Variants in CFAP57 observed in about 807,000 individuals in gnomAD.
CFAP57 encodes cilia- and flagella-associated protein 57.
CFAP57 carries 116 observed loss-of-function variants against 146.8 expected under a neutral mutation model. The ratio of observed to expected loss-of-function variants is 0.79; its 90% CI spans 0.68 to 0.92. The LOEUF is 0.92. CFAP57 is among the 40% of genes least tolerant of loss of function. The pLI, the probability that CFAP57 is intolerant of heterozygous loss-of-function variation, is 0.00. For synonymous variants in CFAP57, 518 were observed against 552.8 expected (o/e 0.94, Z 0.88); for missense variants, 1,377 against 1,527.2 (o/e 0.90, Z 1.64).
At chr1:43,200,920 A>G (rs1273479178) in intron 9 of CFAP57, among the ~76,000 whole-genome samples, 1 of 152,218 alleles carries the variant, frequency 6.6e-6, no homozygotes, top group African/African-American at 2.4e-5. Context: ...GTATTGAGGA[A>G]GGATTAGAGT....
rs748296185 is a variant in CFAP57 at position 43,206,847 on chromosome 1, A to T, written c.1670A>T (p.Tyr557Phe). 2.5e-6 allele frequency: 4 copies of T among 1,614,084 alleles called. No homozygotes were observed. The African/African-American group carries it at 5.3e-5, about 22-fold the overall frequency. The change falls in exon 10 of 23, where the codon TAC (tyrosine) becomes TTC (phenylalanine). Residue 557 changes from tyrosine to phenylalanine, a missense_variant. Physicochemically the swap from Tyr to Phe is conservative, Grantham distance 22 (BLOSUM62 3). Transcript: ENST00000372492. ...ETECVLKSCS[Y>F]NCVTVSPDAK... is the part of the protein sequence containing the mutation. ...GAATGCGTGCTCAAGTCTTGCAGCT[A>T]CAACTGTGTTACTGTCTCCCCCGAT... is the stretch of plus-strand genomic sequence containing the variant.
At chr1:43,229,086 C>A (rs1427498946) in intron 18 of CFAP57, among the ~76,000 whole-genome samples, 2 of 149,054 alleles carry the variant, frequency 1.3e-5, no homozygotes, top group Non-Finnish European at 3.0e-5. Flanking sequence ...CAGACCATAG[C>A]AGCCTGAGAA....
Position 43,176,973 on chromosome 1 carries a change from C to A in CFAP57, c.157+4063C>A, listed in dbSNP as rs1032471436. The A allele has an allele frequency of 1.1e-5, 4 of 369,934 alleles. No homozygotes were observed. The Admixed American group carries it at 1.3e-4, about 12-fold the overall frequency. 22.9% of individuals were successfully genotyped at this position (369,934 alleles called of 1,614,324 possible). A position where few individuals can be genotyped will look rare whatever the true frequency, so the allele number is the denominator to read the frequency against. On this transcript the variant is annotated intron_variant, in intron 2 of 22. Transcript: ENST00000372492. The stretch of plus-strand genomic sequence containing the variant: ...CCAGTGTGGCTGGAGTGGTAAGAAC[C>A]GGGGGGTGAGGAGCAAGAGGGGAGG...
At chr1:43,226,002 A>G (rs551029097) in intron 17 of CFAP57, among the ~76,000 whole-genome samples, 123 of 152,212 alleles carry the variant, frequency 8.1e-4, no homozygotes, top group African/African-American at 2.8e-3. Flanking sequence ...GTGAAACCCC[A>G]TCTCTACCAA....
chr1:43,210,434 G>C, intron 11 of CFAP57: 1 of 1,144,110 alleles, frequency 8.7e-7, no homozygotes, highest in Non-Finnish European at 1.1e-6. Context: ...AGCATCCATC[G>C]ACAGACGAAT....
Position 43,228,853 on chromosome 1 carries a change from C to T in CFAP57, c.3009+1727C>T. On this transcript the variant is annotated intron_variant, in intron 18 of 22. Transcript: ENST00000372492. ...GGCTCCAGCAGATTTGGTGTCCAGGCCTGTTCCTCATAGATGGCACCTGCT... is the reference window on the plus strand; with the variant it reads ...GGCTCCAGCAGATTTGGTGTCCAGGTCTGTTCCTCATAGATGGCACCTGCT... 1.3e-5 allele frequency among the ~76,000 whole-genome samples: 2 copies of T among 149,142 alleles called. 1 individual carries two copies. Among genetic ancestry groups the T allele is most frequent in the Non-Finnish European group, 3.0e-5 (2 of 67,622 alleles).
At chr1:43,242,519 T>C (rs983039567) in intron 21 of CFAP57, among the ~76,000 whole-genome samples, 1 of 152,226 alleles carries the variant, frequency 6.6e-6, no homozygotes, top group African/African-American at 2.4e-5. Flanking sequence ...GAGCTTCCAA[T>C]GGATGCAGCA....
At chr1:43,188,056 A>T (rs1022346609) in intron 6 of CFAP57, among the ~76,000 whole-genome samples, 4 of 152,146 alleles carry the variant, frequency 2.6e-5, no homozygotes, top group Non-Finnish European at 5.9e-5. Flanking sequence ...CACCCGCCTC[A>T]TCCTCCCAAA....
In CFAP57 at chr1:43,254,311, C is replaced by A. The variant is rs890399211; in HGVS notation, c.*120C>A. The A allele has an allele frequency of 2.3e-6, 2 of 868,968 alleles. No individual in the cohort carries two copies. The highest frequency in any genetic ancestry group is 3.5e-6 in the Non-Finnish European group (2 of 575,492). 53.8% of individuals were successfully genotyped at this position (868,968 alleles called of 1,614,324 possible). On this transcript the variant is annotated 3_prime_UTR_variant, in exon 23 of 23. Coordinates refer to ENST00000372492, the MANE Select transcript of CFAP57 (RefSeq NM_001378189.1). Reference sequence around the variant, plus strand: ...CAGCACTGACCCCAGCAACCTCTTTCTCTTGCCCTGGGGAATTTGGGACAC... The same window carrying A: ...CAGCACTGACCCCAGCAACCTCTTTATCTTGCCCTGGGGAATTTGGGACAC...
At chr1:43,186,220 T>A (rs1643074611) in intron 5 of CFAP57, among the ~76,000 whole-genome samples, 1 of 151,838 alleles carries the variant, frequency 6.6e-6, no homozygotes, top group African/African-American at 2.4e-5. Context: ...CCAGTCTGGG[T>A]GACAGAGCCA....
At chr1:43,177,575 T>G (rs1344099612) in intron 2 of CFAP57, among the ~76,000 whole-genome samples, 16 of 152,120 alleles carry the variant, frequency 1.1e-4, no homozygotes, top group Non-Finnish European at 7.4e-5. Context: ...TTAGAGTAGA[T>G]GAGACTTCCC....
rs571958191 is a variant in CFAP57 at position 43,247,739 on chromosome 1, C to T, written c.3538+4380C>T. ...CTGTATGTGCAAAGAAACAAACAAACGAAAACTACATATGACTTACACAGA... is the reference window on the plus strand; with the variant it reads ...CTGTATGTGCAAAGAAACAAACAAATGAAAACTACATATGACTTACACAGA... On this transcript the variant is annotated intron_variant, in intron 22 of 22. Coordinates refer to ENST00000372492, the MANE Select transcript of CFAP57 (RefSeq NM_001378189.1). Among the ~76,000 whole-genome samples the T allele has an allele frequency of 8.5e-5, 13 of 152,232 alleles. No individual in the cohort carries two copies. The South Asian group carries it at 2.1e-3, about 24-fold the overall frequency.
intron 10 of CFAP57, among the ~76,000 whole-genome samples, chr1:43,209,170 G>A (rs1001611391): frequency 6.6e-6 from 1 of 152,140 alleles, no homozygotes; most frequent in African/African-American, 2.4e-5. Context: ...GCACCACTGG[G>A]GATCTTGGAA....
At position 43,172,913 on chromosome 1, in the gene CFAP57, A is replaced by G. The variant is rs781206645; in HGVS notation, c.157+3A>G. The stretch of plus-strand genomic sequence containing the variant: ...GAAATGGCAAAAATTCATTCCAGGT[A>G]AAACTTTTTCCATCCTGACATATAC... On this transcript the variant is annotated splice_donor_region_variant and intron_variant, in intron 2 of 22. Coordinates refer to ENST00000372492, the MANE Select transcript of CFAP57 (RefSeq NM_001378189.1). The G allele has an allele frequency of 2.5e-6, 4 of 1,613,678 alleles. No individual in the cohort carries two copies. The South Asian group carries it at 3.3e-5, about 13-fold the overall frequency.
chr1:43,178,444 A>G (rs1645254092), intron 2 of CFAP57, among the ~76,000 whole-genome samples: 1 of 152,212 alleles, frequency 6.6e-6, no homozygotes, highest in South Asian at 2.1e-4. Flanking sequence ...ATTTACAAGA[A>G]AAAAACAACC....
chr1:43,200,532 AAG>A (rs980043187), intron 9 of CFAP57, among the ~76,000 whole-genome samples: 1 of 152,074 alleles, frequency 6.6e-6, no homozygotes, highest in Non-Finnish European at 1.5e-5. Flanking sequence ...AAAAGAAAAA[AAG>A]AAAGTAAAAT....
At chr1:43,222,769 C>A in intron 15 of CFAP57, 55 bp from the exon 16 acceptor site, 1 of 1,469,112 alleles carries the variant, frequency 6.8e-7, no homozygotes. Flanking sequence ...CCTGTTGGCA[C>A]AAAGATGTGT....
chr1:43,229,522 G>A (rs1037315465), intron 18 of CFAP57, among the ~76,000 whole-genome samples: 4 of 148,486 alleles, frequency 2.7e-5, no homozygotes, highest in East Asian at 2.1e-4. Context: ...TTTCTCCCAG[G>A]AAGGAAGCCT....
intron 12 of CFAP57, among the ~76,000 whole-genome samples, chr1:43,217,849 C>A (rs1157662339): frequency 6.6e-6 from 1 of 151,520 alleles, no homozygotes; most frequent in Non-Finnish European, 1.5e-5. Flanking sequence ...CCTTTGGAAG[C>A]CCTCTAAGAT....
Sources: gnomAD v4.1 joint callset for allele counts (sites outside exome capture counted in the v4.1 genomes callset) on GRCh38, gnomAD v4.1.1 for gene constraint, MANE v1.5 for transcripts, NCBI Gene and HGNC (gene_info 2026-07-23, HGNC 2026-07-21) for gene names.